Variants in TNRC6A observed in about 807,000 individuals in gnomAD.
TNRC6A encodes trinucleotide repeat containing adaptor 6A.
Under a neutral mutation model 221.2 loss-of-function variants are expected in TNRC6A, and 44 were observed. The ratio of observed to expected loss-of-function variants is 0.20; its 90% CI spans 0.16 to 0.26. The LOEUF (loss-of-function observed/expected upper bound fraction) is 0.26, where lower values mean the gene tolerates loss of function less well. TNRC6A is among the 10% of genes least tolerant of loss of function. TNRC6A has a pLI of 1.00. For missense variants in TNRC6A, 2,199 were observed against 2,404.4 expected (o/e 0.91, Z 1.79); for synonymous variants, 847 against 838.5 (o/e 1.01, Z -0.18).
intron 2 of TNRC6A, among the ~76,000 whole-genome samples, chr16:24,680,621 G>T (rs1373448748): frequency 1.3e-5 from 2 of 151,520 alleles, no homozygotes; most frequent in Admixed American, 6.6e-5. Flanking sequence ...GGAGGCTGAG[G>T]CGGAAGAATC....
rs151302409 is a variant in TNRC6A, at chr16:24,668,947, C to T, written n.402+27938C>T. Among the ~76,000 whole-genome samples the T allele has an allele frequency of 8.8e-3, 1,335 of 152,066 alleles. 8 individuals carry two copies. Among genetic ancestry groups the T allele is most frequent in the Non-Finnish European group, 0.013 (906 of 67,982 alleles). Reference sequence around the variant, plus strand: ...CAGGAAAAGGGTATTAGCTGGAATGCGACGACACAATTAGTCTCGTTGTTT... The same window carrying T: ...CAGGAAAAGGGTATTAGCTGGAATGTGACGACACAATTAGTCTCGTTGTTT... On this transcript the variant is annotated intron_variant and non_coding_transcript_variant, in intron 2 of 2. Transcript: ENST00000566108.
intron 2 of TNRC6A, among the ~76,000 whole-genome samples, chr16:24,731,143 T>A (rs2056630447): frequency 6.6e-6 from 1 of 152,192 alleles, no homozygotes; most frequent in African/African-American, 2.4e-5. Context: ...TTTTGCATCA[T>A]ATTGGGACAC....
intron 11 of TNRC6A, among the ~76,000 whole-genome samples, chr16:24,800,430 G>A (rs2058308502): frequency 6.6e-6 from 1 of 152,168 alleles, no homozygotes; most frequent in African/African-American, 2.4e-5. Context: ...AATTCCATGG[G>A]CATGAACACA....
intron 2 of TNRC6A, among the ~76,000 whole-genome samples, chr16:24,660,178 C>G (rs1030320565): frequency 6.6e-6 from 1 of 152,038 alleles, no homozygotes; most frequent in Non-Finnish European, 1.5e-5. Context: ...GCAGCCATCA[C>G]CCAAGCAGTA....
chr16:24,631,038 A>G (rs1596559021), intron 1 of TNRC6A, among the ~76,000 whole-genome samples: 1 of 151,584 alleles, frequency 6.6e-6, no homozygotes, highest in Non-Finnish European at 1.5e-5. Flanking sequence ...AAAAAAAGGG[A>G]CCAGCCCTCC....
chr16:24,739,837 A>G (rs998083993), intron 2 of TNRC6A, among the ~76,000 whole-genome samples: 2 of 152,180 alleles, frequency 1.3e-5, no homozygotes, highest in African/African-American at 4.8e-5. Context: ...TTGTAAATCT[A>G]GTTTACCAGT....
chr16:24,642,122 T>C (rs144805510), intron 2 of TNRC6A, among the ~76,000 whole-genome samples: 1 of 152,260 alleles, frequency 6.6e-6, no homozygotes, highest in African/African-American at 2.4e-5. Context: ...GTGTGTCTCC[T>C]GACAGGACCA....
In TNRC6A at chr16:24,772,408, G is replaced by A. The variant is rs868497292; in HGVS notation, c.164-4525G>A. Among the ~76,000 whole-genome samples the A allele has an allele frequency of 2.6e-5, 4 of 151,710 alleles. No individual in the cohort carries two copies. The South Asian group carries it at 6.3e-4, about 24-fold the overall frequency. ...CAAGGTCTTGTTGTTGCAAGACTTC[G>A]GGAGGCAGACAGAGGTTGCAGTGAG... On this transcript the variant is annotated intron_variant, in intron 4 of 24. Coordinates refer to ENST00000395799, the MANE Select transcript of TNRC6A (RefSeq NM_014494.4).
intron 20 of TNRC6A, among the ~76,000 whole-genome samples, chr16:24,818,134 G>T (rs2058690953): frequency 6.6e-6 from 1 of 152,212 alleles, no homozygotes; most frequent in African/African-American, 2.4e-5. Context: ...TTGGGAGCCT[G>T]AATATATCGC....
At chr16:24,757,802 C>T (rs553480140) in intron 3 of TNRC6A, among the ~76,000 whole-genome samples, 27 of 152,302 alleles carry the variant, frequency 1.8e-4, no homozygotes, top group African/African-American at 6.5e-4. Context: ...CTCAAAAATA[C>T]TTAGATACTT....
chr16:24,673,516 C>G (rs2055348116), intron 2 of TNRC6A, among the ~76,000 whole-genome samples: 1 of 152,126 alleles, frequency 6.6e-6, no homozygotes, highest in Admixed American at 6.6e-5. Context: ...CCCACCAGCT[C>G]GAGCAGTGAA....
At chr16:24,702,417 A>AG (rs1299910513) in intron 2 of TNRC6A, among the ~76,000 whole-genome samples, 9 of 151,648 alleles carry the variant, frequency 5.9e-5, no homozygotes, top group Admixed American at 5.3e-4. Context: ...GGCTAAAACA[A>AG]GCCACCCACC....
At position 24,824,647 on chromosome 16, in the gene TNRC6A, A is replaced by T. The variant is rs1337822459; in HGVS notation, c.*840A>T. 1 of 152,266 alleles carries T rather than the reference A, an allele frequency of 6.6e-6. No homozygotes were observed. The highest frequency in any genetic ancestry group is 1.5e-5 in the Non-Finnish European group (1 of 68,000). 9.4% of individuals were successfully genotyped at this position (152,266 alleles called of 1,614,324 possible). On this transcript the variant is annotated 3_prime_UTR_variant, in exon 25 of 25. Coordinates refer to ENST00000395799, the MANE Select transcript of TNRC6A (RefSeq NM_014494.4). ...GTAAAAGACAAAAAAAAAATGGAGG[A>T]TGATTTAAAAGATGCTTTCTATCTC...
chr16:24,713,440 ACAAACAAAC>A lies in TNRC6A; in HGVS notation n.403-37285_403-37277del, dbSNP rs1470003671. Among the ~76,000 whole-genome samples, 105 of 129,068 alleles carry A rather than the reference ACAAACAAAC, an allele frequency of 8.1e-4. 2 individuals are homozygous for A. The South Asian group carries it at 0.017, about 20-fold the overall frequency. The allele number at this position is 129,068 out of a possible 152,430, so 84.7% of individuals were successfully genotyped here. On this transcript the variant is annotated intron_variant and non_coding_transcript_variant, in intron 2 of 2. Coordinates refer to the TNRC6A transcript ENST00000566108. ...CTAAAACAAACAAACAAACAAACAA[ACAAACAAAC>A]AAAAAAATATATATATATATATGTT...
intron 2 of TNRC6A, among the ~76,000 whole-genome samples, chr16:24,686,166 G>A (rs1459691454): frequency 6.6e-6 from 1 of 152,110 alleles, no homozygotes; most frequent in Admixed American, 6.6e-5. Flanking sequence ...ATGGCAACGC[G>A]ATTTCCTGTC....
intron 1 of TNRC6A, among the ~76,000 whole-genome samples, chr16:24,615,880 AC>A (rs972807544): frequency 2.0e-3 from 232 of 116,890 alleles, no homozygotes; most frequent in African/African-American, 7.4e-3. Flanking sequence ...CAACACACAT[AC>A]CCCTACATGC....
intron 2 of TNRC6A, among the ~76,000 whole-genome samples, chr16:24,680,235 C>T (rs1442468104): frequency 6.6e-6 from 1 of 151,514 alleles, no homozygotes; most frequent in Non-Finnish European, 1.5e-5. Context: ...GCCTGGGCAA[C>T]ATAGCAAGAC....
At chr16:24,638,031 C>T (rs1253617526) in intron 1 of TNRC6A, among the ~76,000 whole-genome samples, 1 of 152,122 alleles carries the variant, frequency 6.6e-6, no homozygotes, top group Non-Finnish European at 1.5e-5. Context: ...GTGATCCACC[C>T]GCCTCAGTCT....
intron 2 of TNRC6A, among the ~76,000 whole-genome samples, chr16:24,743,781 G>A (rs1277945770): frequency 6.6e-6 from 1 of 152,086 alleles, no homozygotes; most frequent in Non-Finnish European, 1.5e-5. Context: ...GTAACTTACA[G>A]ACATGATACC....
Sources: gnomAD v4.1 joint callset for allele counts (sites outside exome capture counted in the v4.1 genomes callset) on GRCh38, gnomAD v4.1.1 for gene constraint, MANE v1.5 for transcripts, NCBI Gene and HGNC (gene_info 2026-07-23, HGNC 2026-07-21) for gene names.